The following KSR2 variants were observed in gnomAD, a reference collection of about 807,000 sequenced individuals.
The protein encoded by KSR2 is kinase suppressor of ras 2.
KSR2 carries 25 observed loss-of-function variants against 107.8 expected under a neutral mutation model. That is an observed-to-expected ratio of 0.23 (90% CI 0.17 to 0.32). The LOEUF (loss-of-function observed/expected upper bound fraction) is 0.32, where lower values mean the gene tolerates loss of function less well. KSR2 is among the 10% of genes least tolerant of loss of function. The pLI, the probability that KSR2 is intolerant of heterozygous loss-of-function variation, is 1.00. For missense variants in KSR2, 887 were observed against 1,268.9 expected (o/e 0.70, Z 4.57); for synonymous variants, 480 against 507.0 (o/e 0.95, Z 0.71).
At position 117,525,124 on chromosome 12, in the gene KSR2, G is replaced by C. The variant is rs1875034517; in HGVS notation, c.1947C>G (p.Ala649=). 6.2e-7 allele frequency: 1 copy of C among 1,613,882 alleles called. No homozygotes were observed. The highest frequency in any genetic ancestry group is 1.7e-5 in the Admixed American group (1 of 60,002). Residue 649 remains alanine (A), a synonymous_variant, in exon 14 of 20, where the codon GCC becomes GCG. Transcript: ENST00000339824. The part of the protein sequence containing the change: ...LLSARSFPRK[A]SQTSIFLQEW... ...CCTGAAGGAAGATGCTGGTCTGGCT[G>C]GCCTTGCGTGGGAAGCTCCGGGCCG...
At chr12:117,682,459 C>G (rs1885406275) in intron 4 of KSR2, among the ~76,000 whole-genome samples, 1 of 151,742 alleles carries the variant, frequency 6.6e-6, no homozygotes, top group South Asian at 2.1e-4. Context: ...TTCTTGTTGC[C>G]CAGGCTGGAA....
intron 4 of KSR2, among the ~76,000 whole-genome samples, chr12:117,730,047 T>C (rs970562772): frequency 5.9e-5 from 9 of 152,186 alleles, no homozygotes; most frequent in African/African-American, 1.9e-4. Context: ...CTGTGGGCCA[T>C]ATGGTATCTT....
intron 10 of KSR2, among the ~76,000 whole-genome samples, chr12:117,533,798 G>A (rs1231237967): frequency 6.6e-6 from 1 of 152,144 alleles, no homozygotes; most frequent in Non-Finnish European, 1.5e-5. Context: ...GCTTCAGAGA[G>A]TCCGAGAAGG....
intron 3 of KSR2, among the ~76,000 whole-genome samples, chr12:117,798,296 C>T (rs191900707): frequency 1.1e-3 from 165 of 152,278 alleles, no homozygotes; most frequent in Non-Finnish European, 2.1e-3. Context: ...GTTCCAGCTG[C>T]AGGCTAATCA....
intron 4 of KSR2, among the ~76,000 whole-genome samples, chr12:117,747,686 T>C (rs1565993734): frequency 6.6e-6 from 1 of 152,120 alleles, no homozygotes; most frequent in Non-Finnish European, 1.5e-5. Context: ...AAATGACCAA[T>C]CGATTTATGA....
chr12:117,753,798 G>A (rs906498527), intron 4 of KSR2, among the ~76,000 whole-genome samples: 24 of 144,342 alleles, frequency 1.7e-4, no homozygotes, highest in African/African-American at 5.5e-4. Context: ...ACTTGTACCC[G>A]TGACCTTAAA....
At chr12:117,536,089 C>A (rs1359221037) in intron 10 of KSR2, among the ~76,000 whole-genome samples, 2 of 151,504 alleles carry the variant, frequency 1.3e-5, no homozygotes, top group South Asian at 4.2e-4. Context: ...ATCCTTTTCA[C>A]CACATGTCCT....
intron 4 of KSR2, among the ~76,000 whole-genome samples, chr12:117,747,175 A>G (rs1007601003): frequency 2.0e-5 from 3 of 152,208 alleles, no homozygotes; most frequent in Non-Finnish European, 2.9e-5. Flanking sequence ...AAGACCTGGA[A>G]CCAACCCAAA....
intron 1 of KSR2, among the ~76,000 whole-genome samples, chr12:117,906,266 T>C (rs527508489): frequency 6.6e-6 from 1 of 150,984 alleles, no homozygotes; most frequent in East Asian, 2.0e-4. Flanking sequence ...GGCAGGAGAA[T>C]TGCTTGAACC....
At chr12:117,779,643 TAGTG>T (rs1165150588) in intron 3 of KSR2, among the ~76,000 whole-genome samples, 2 of 152,164 alleles carry the variant, frequency 1.3e-5, no homozygotes, top group African/African-American at 4.8e-5. Context: ...GTTCTCATGA[TAGTG>T]AGTGAGTTCT....
chr12:117,866,041 T>C, intron 1 of KSR2, among the ~76,000 whole-genome samples: 1 of 112,392 alleles, frequency 8.9e-6, no homozygotes, highest in East Asian at 2.0e-4. Context: ...TCTCTCTCTT[T>C]TTTTTTTTTT....
intron 4 of KSR2, among the ~76,000 whole-genome samples, chr12:117,670,008 G>A (rs1250769898): frequency 6.6e-6 from 1 of 151,472 alleles, no homozygotes; most frequent in Non-Finnish European, 1.5e-5. Flanking sequence ...TTTTTTCTAG[G>A]CATCTTCCTT....
At chr12:117,810,133 A>T (rs1006716663) in intron 3 of KSR2, among the ~76,000 whole-genome samples, 5 of 151,770 alleles carry the variant, frequency 3.3e-5, no homozygotes, top group Admixed American at 2.0e-4. Flanking sequence ...TAACAAACTG[A>T]TCTCGGTTTG....
intron 1 of KSR2, among the ~76,000 whole-genome samples, chr12:117,928,482 C>G (rs1317149949): frequency 6.6e-6 from 1 of 152,182 alleles, no homozygotes; most frequent in South Asian, 2.1e-4. Flanking sequence ...CCACGCCTGG[C>G]CTTCATTCCT....
rs576317785 is a variant in KSR2, at chr12:117,703,707, G to T, written c.987-36049C>A. Among the ~76,000 whole-genome samples, 8 of 152,250 alleles carry T rather than the reference G, an allele frequency of 5.3e-5. No individual in the cohort carries two copies. The South Asian group carries it at 1.7e-3, about 32-fold the overall frequency. ...ACCCAGCAATCCTCCCAGAGAGCAG[G>T]ATTATAGGCCAAAAGAAATTAAGGC... On this transcript the variant is annotated intron_variant, in intron 4 of 19. Coordinates refer to ENST00000339824, the MANE Select transcript of KSR2 (RefSeq NM_173598.6).
At chr12:117,467,418 G>C (rs1871203223) in intron 19 of KSR2, among the ~76,000 whole-genome samples, 1 of 152,242 alleles carries the variant, frequency 6.6e-6, no homozygotes, top group Admixed American at 6.5e-5. Flanking sequence ...CCTGAGATGA[G>C]CCTGCAATAT....
At chr12:117,669,725 G>A (rs984399041) in intron 4 of KSR2, among the ~76,000 whole-genome samples, 2 of 151,944 alleles carry the variant, frequency 1.3e-5, no homozygotes, top group African/African-American at 2.4e-5. Context: ...AACATTAGCC[G>A]GGTTTGGAGG....
rs770110619 is a variant in KSR2 at position 117,803,051 on chromosome 12, C to CA, written c.473-41528dup. On this transcript the variant is annotated intron_variant, in intron 3 of 19. Transcript: ENST00000339824. ...GATCTATTTGATGAATATTAATTCA[C>CA]AAAAAAATATTTCCATTCCTGAAGC... Among the ~76,000 whole-genome samples, 14 of 152,044 alleles carry CA rather than the reference C, an allele frequency of 9.2e-5. No homozygotes were observed. In the East Asian group the frequency reaches 1.3e-3, roughly 15 times the overall value.
chr12:117,823,769 C>G (rs1593272053), intron 3 of KSR2, among the ~76,000 whole-genome samples: 1 of 152,144 alleles, frequency 6.6e-6, no homozygotes, highest in Admixed American at 6.5e-5. Flanking sequence ...AGAGAGATGT[C>G]TCTCTGATTC....
Sources: allele counts gnomAD v4.1 joint callset (sites outside exome capture counted in the v4.1 genomes callset), GRCh38; gene constraint gnomAD v4.1.1; transcripts MANE v1.5; gene names NCBI Gene and HGNC (gene_info 2026-07-23, HGNC 2026-07-21).